Variants in GABARAPL2 observed in about 807,000 individuals in gnomAD.
GABARAPL2 encodes gamma-aminobutyric acid receptor-associated protein-like 2.
A neutral mutation model predicts 16.9 loss-of-function variants in GABARAPL2; 11 were observed. The observed-to-expected ratio is 0.65, with a 90% CI of 0.41 to 1.08. GABARAPL2 has a LOEUF of 1.08. Ranked by LOEUF, GABARAPL2 falls within the 50% of genes least tolerant of loss-of-function variation. The pLI, the probability that GABARAPL2 is intolerant of heterozygous loss-of-function variation, is 0.00. For missense variants in GABARAPL2, 134 were observed against 142.5 expected (o/e 0.94, Z 0.30); for synonymous variants, 57 against 50.7 (o/e 1.12, Z -0.53).
Position 75,577,520 on chromosome 16 carries a change from C to G in GABARAPL2, c.*151C>G. 1.7e-6 allele frequency: 1 copy of G among 584,152 alleles called. No individual in the cohort carries two copies. Among genetic ancestry groups the G allele is most frequent in the Non-Finnish European group, 3.1e-6 (1 of 325,288 alleles). The allele number at this position is 584,152 out of a possible 1,614,324, so 36.2% of individuals were successfully genotyped here. A position where few individuals can be genotyped will look rare whatever the true frequency, so the allele number is the denominator to read the frequency against. On this transcript the variant is annotated 3_prime_UTR_variant, in exon 4 of 4. Transcript: ENST00000037243. ...CTTAATATATTGGAAGGTTTTGTTT[C>G]CTTAGACTAGTAAATTATCATACAG...
At chr16:75,574,174 T>G (rs771116107) in intron 3 of GABARAPL2, among the ~76,000 whole-genome samples, 3 of 152,154 alleles carry the variant, frequency 2.0e-5, no homozygotes, top group Non-Finnish European at 4.4e-5. Flanking sequence ...AGCGGTCCAG[T>G]GGTTATTGTT....
At chr16:75,573,499 A>G (rs1364526875) in intron 3 of GABARAPL2, among the ~76,000 whole-genome samples, 11 of 152,362 alleles carry the variant, frequency 7.2e-5, no homozygotes, top group African/African-American at 2.6e-4. Context: ...GCTACTGCCA[A>G]CTAAGTTTCC....
chr16:75,576,618 G>C (rs1245076856), intron 3 of GABARAPL2: 2 of 152,256 alleles, frequency 1.3e-5, no homozygotes, highest in Admixed American at 6.6e-5. Flanking sequence ...TCTTACTCTG[G>C]AGCTGGTCCA....
intron 1 of GABARAPL2, 158 bp from the exon 2 acceptor site, chr16:75,566,694 C>A: frequency 1.0e-6 from 1 of 959,310 alleles, no homozygotes; most frequent in Non-Finnish European, 1.6e-6. Context: ...TCACCCTCCG[C>A]GGGCCTTGCT....
At chr16:75,573,307 T>C (rs188187868) in intron 3 of GABARAPL2, among the ~76,000 whole-genome samples, 2 of 152,396 alleles carry the variant, frequency 1.3e-5, no homozygotes, top group South Asian at 2.1e-4. Flanking sequence ...CCAGCTCATT[T>C]TGGCTGCAGG....
chr16:75,568,004 A>G (rs375289296), intron 2 of GABARAPL2, 33 bp from the exon 3 acceptor site: 25 of 1,554,220 alleles, frequency 1.6e-5, no homozygotes, highest in Non-Finnish European at 2.0e-5. Context: ...TCGCTTTAGG[A>G]AACACAGTCC....
At chr16:75,574,120 G>A (rs1251564242) in intron 3 of GABARAPL2, among the ~76,000 whole-genome samples, 1 of 152,176 alleles carries the variant, frequency 6.6e-6, no homozygotes, top group African/African-American at 2.4e-5. Context: ...CTCCTGTCCT[G>A]CCAAGAGTCA....
intron 2 of GABARAPL2, among the ~76,000 whole-genome samples, chr16:75,567,803 G>GC (rs1268240097): frequency 1.3e-5 from 2 of 152,196 alleles, no homozygotes; most frequent in Non-Finnish European, 2.9e-5. Context: ...GGTAAGGGCT[G>GC]CATTTCTCTT....
chr16:75,566,911 A>C lies in GABARAPL2; in HGVS notation c.90+4A>C. 6.2e-7 allele frequency: 1 copy of C among 1,611,390 alleles called. No homozygotes were observed. The highest frequency in any genetic ancestry group is 8.5e-7 in the Non-Finnish European group (1 of 1,177,880). On this transcript the variant is annotated splice_donor_region_variant and intron_variant, in intron 2 of 3. Transcript: ENST00000037243. The stretch of plus-strand genomic sequence containing the variant: ...GAAATATCCCGACAGGGTTCCGGTG[A>C]GTGGACTCTCCGCCCCCTCACCTCG...
chr16:75,577,571 G>A lies in GABARAPL2; in HGVS notation c.*202G>A. ...AGTTTTATTTTGAGTTTTTCTTTTT[G>A]TGCATTGTCCTCATGCCTGTATTCT... is the stretch of plus-strand genomic sequence containing the variant. On this transcript the variant is annotated 3_prime_UTR_variant, in exon 4 of 4. Transcript: ENST00000037243. The A allele has an allele frequency of 2.0e-6, 1 of 510,530 alleles. No homozygotes were observed. Among genetic ancestry groups the A allele is most frequent in the Non-Finnish European group, 3.5e-6 (1 of 285,922 alleles). 31.6% of individuals were successfully genotyped at this position (510,530 alleles called of 1,614,324 possible). A position where few individuals can be genotyped will look rare whatever the true frequency, so the allele number is the denominator to read the frequency against.
chr16:75,576,541 C>A (rs1296315328), intron 3 of GABARAPL2: 1 of 152,280 alleles, frequency 6.6e-6, no homozygotes, highest in Non-Finnish European at 1.5e-5. Context: ...AACACATTTG[C>A]ACTTCCTCTC....
intron 3 of GABARAPL2, among the ~76,000 whole-genome samples, chr16:75,573,857 G>C (rs577491713): frequency 2.8e-4 from 43 of 152,282 alleles, no homozygotes; most frequent in Non-Finnish European, 5.9e-4. Flanking sequence ...GAATCTCTGT[G>C]CCTCAGTTTT....
chr16:75,567,005 C>T (rs533454209), intron 2 of GABARAPL2, 98 bp downstream of exon 2: 52 of 1,068,306 alleles, frequency 4.9e-5, no homozygotes, highest in South Asian at 2.2e-4. Context: ...GTTGAGGTTC[C>T]AGTCCCAGTT....
At chr16:75,576,277 C>T (rs530401488) in intron 3 of GABARAPL2, 5 of 152,216 alleles carry the variant, frequency 3.3e-5, no homozygotes, top group Non-Finnish European at 7.3e-5. Context: ...AAAACCTCCC[C>T]CTTCATAAAT....
At position 75,577,324 on chromosome 16, in the gene GABARAPL2, A is replaced by G. The variant is rs747034725; in HGVS notation, c.309A>G (p.Gly103=). 5 of 1,613,068 alleles carry G rather than the reference A, an allele frequency of 3.1e-6. No individual in the cohort carries two copies. The highest frequency in any genetic ancestry group is 3.3e-5 in the Admixed American group (2 of 60,000). The change falls in exon 4 of 4, where the codon GGA becomes GGG. Residue 103 remains glycine, a synonymous_variant. Coordinates refer to ENST00000037243, the MANE Select transcript of GABARAPL2 (RefSeq NM_007285.7). Reference sequence around the variant, plus strand: ...ACGAGAAGGAAAAAGATGAAGATGGATTCTTATATGTGGCCTACAGCGGAG... The same window carrying G: ...ACGAGAAGGAAAAAGATGAAGATGGGTTCTTATATGTGGCCTACAGCGGAG... ...QLYEKEKDED[G]FLYVAYSGEN...
chr16:75,569,653 C>T (rs2080903725), intron 3 of GABARAPL2, among the ~76,000 whole-genome samples: 1 of 152,138 alleles, frequency 6.6e-6, no homozygotes, highest in African/African-American at 2.4e-5. Context: ...AGTTTATTTT[C>T]CTCAATTCTG....
At chr16:75,571,530 G>C (rs781103462) in intron 3 of GABARAPL2, among the ~76,000 whole-genome samples, 1 of 152,106 alleles carries the variant, frequency 6.6e-6, no homozygotes, top group Non-Finnish European at 1.5e-5. Context: ...CAGGATTTTA[G>C]GACAGAGTAA....
chr16:75,567,072 C>T (rs975677748), intron 2 of GABARAPL2, among the ~76,000 whole-genome samples, 165 bp downstream of exon 2: 2 of 152,178 alleles, frequency 1.3e-5, no homozygotes, highest in Non-Finnish European at 2.9e-5. Context: ...GCGTGAGGGG[C>T]TCGGGCTGGT....
intron 3 of GABARAPL2, among the ~76,000 whole-genome samples, chr16:75,569,628 G>C (rs538796702): frequency 1.3e-5 from 2 of 152,246 alleles, no homozygotes; most frequent in African/African-American, 4.8e-5. Context: ...TAAGTGACTA[G>C]GACCTATGGC....
Sources: gnomAD v4.1 joint callset for allele counts (sites outside exome capture counted in the v4.1 genomes callset) on GRCh38, gnomAD v4.1.1 for gene constraint, MANE v1.5 for transcripts, NCBI Gene and HGNC (gene_info 2026-07-23, HGNC 2026-07-21) for gene names.